ROR2: variants seen among roughly 807,000 people sequenced by gnomAD.
The protein encoded by ROR2 is ROR family WNT receptor 2.
In ROR2, 33 loss-of-function variants were observed where a neutral mutation model predicts 74.9. The observed-to-expected ratio is 0.44, with a 90% CI of 0.33 to 0.59. ROR2 has a LOEUF of 0.59. ROR2 is among the 20% of genes least tolerant of loss of function. The pLI is 0.02. For synonymous variants in ROR2, 586 were observed against 558.7 expected, an observed-to-expected ratio of 1.05 and a Z score of -0.69; for missense variants, 1,216 against 1,313.8, an observed-to-expected ratio of 0.93 and a Z score of 1.15.
chr9:91,864,019 C>T (rs148793963), intron 1 of ROR2, among the ~76,000 whole-genome samples: 1,744 of 152,184 alleles, frequency 0.011, 20 homozygotes, highest in Middle Eastern at 0.02. Flanking sequence ...AGGAAGCAGA[C>T]GCAGAAACAA....
At chr9:91,790,173 G>C (rs1826924224) in intron 1 of ROR2, among the ~76,000 whole-genome samples, 1 of 152,110 alleles carries the variant, frequency 6.6e-6, no homozygotes, top group Non-Finnish European at 1.5e-5. Flanking sequence ...TAGTGATGCT[G>C]TCTAAGCAAA....
Position 91,723,466 on chromosome 9 carries a change from G to T in ROR2, c.*196C>A. 1.3e-6 allele frequency: 1 copy of T among 796,180 alleles called. No individual in the cohort carries two copies. The highest frequency in any genetic ancestry group is 1.9e-6 in the Non-Finnish European group (1 of 513,716). 49.3% of individuals were successfully genotyped at this position (796,180 alleles called of 1,614,324 possible). On this transcript the variant is annotated 3_prime_UTR_variant, in exon 9 of 9. Transcript: ENST00000375708. Reference sequence around the variant, plus strand: ...TGCTGCCAGACCCCCTGCCTGGCTTGGGTGCTCCTAGGCAGGGCAGCTCTC... The same window carrying T: ...TGCTGCCAGACCCCCTGCCTGGCTTTGGTGCTCCTAGGCAGGGCAGCTCTC...
intron 1 of ROR2, among the ~76,000 whole-genome samples, chr9:91,861,730 C>CA (rs777446409): frequency 5.0e-4 from 76 of 152,210 alleles, no homozygotes; most frequent in Non-Finnish European, 8.7e-4. Context: ...AAAGCAACAA[C>CA]AAAATACATA....
chr9:91,740,907 C>T (rs1825213245), intron 4 of ROR2, among the ~76,000 whole-genome samples: 1 of 152,106 alleles, frequency 6.6e-6, no homozygotes, highest in African/African-American at 2.4e-5. Flanking sequence ...ATCCCCTGCC[C>T]CTCATGCTGC....
rs548059984 is a variant in ROR2, at chr9:91,860,789, C to G, written c.98-84971G>C. Among the ~76,000 whole-genome samples, 40 of 152,318 alleles carry G rather than the reference C, an allele frequency of 2.6e-4. No homozygotes were observed. The South Asian group carries it at 8.3e-3, about 32-fold the overall frequency. On this transcript the variant is annotated intron_variant, in intron 1 of 8. Coordinates refer to ENST00000375708, the MANE Select transcript of ROR2 (RefSeq NM_004560.4). ...ACATTGAGGGCAGATCTTCCCTACT[C>G]AGTCCACCAACTCCCACGCCAGTCT...
At chr9:91,725,821 C>T (rs1025184218) in intron 8 of ROR2, among the ~76,000 whole-genome samples, 11 of 152,122 alleles carry the variant, frequency 7.2e-5, no homozygotes, top group Non-Finnish European at 5.9e-5. Context: ...GTGCAAGCCC[C>T]GGGGCTCTGT....
intron 1 of ROR2, among the ~76,000 whole-genome samples, chr9:91,855,164 T>A (rs1470573931): frequency 1.3e-5 from 2 of 152,160 alleles, no homozygotes; most frequent in African/African-American, 4.8e-5. Context: ...CCTCCCCTTA[T>A]CCCACAGGAC....
Position 91,757,263 on chromosome 9 carries a change from C to T in ROR2, c.463+9G>A. The T allele has an allele frequency of 6.2e-7, 1 of 1,613,884 alleles. No individual in the cohort carries two copies. On this transcript the variant is annotated intron_variant, in intron 3 of 8. Transcript: ENST00000375708. The stretch of plus-strand genomic sequence containing the variant: ...CTGCTAACCCACACAATTTCACTGT[C>T]CAACTCACCCAGCCGCACAAACAGG...
chr9:91,805,188 C>T (rs949849814), intron 1 of ROR2, among the ~76,000 whole-genome samples: 2 of 152,226 alleles, frequency 1.3e-5, no homozygotes, highest in African/African-American at 4.8e-5. Flanking sequence ...CCTCTGGTGC[C>T]AGCACCACCT....
chr9:91,854,402 G>C (rs915199737), intron 1 of ROR2, among the ~76,000 whole-genome samples: 1 of 152,156 alleles, frequency 6.6e-6, no homozygotes, highest in Non-Finnish European at 1.5e-5. Flanking sequence ...TGACTGGCAT[G>C]GTCTTTTCTT....
intron 1 of ROR2, among the ~76,000 whole-genome samples, chr9:91,919,757 T>C (rs963433233): frequency 6.6e-6 from 1 of 151,928 alleles, no homozygotes; most frequent in Admixed American, 6.6e-5. Context: ...GGGGCCGGAG[T>C]GGGGAGGGTT....
chr9:91,753,130 G>A lies in ROR2; in HGVS notation c.494+2941C>T, dbSNP rs374010636. 9.9e-5 allele frequency among the ~76,000 whole-genome samples: 15 copies of A among 152,176 alleles called. No homozygotes were observed. The East Asian group carries it at 2.9e-3, about 29-fold the overall frequency. ...TGTAATTCCAATCAAACTACCATCA[G>A]AATCTTTCAAGGAAATCATGACATT... On this transcript the variant is annotated intron_variant, in intron 4 of 8. Coordinates refer to ENST00000375708, the MANE Select transcript of ROR2 (RefSeq NM_004560.4).
chr9:91,882,183 G>A (rs1830130097), intron 1 of ROR2, among the ~76,000 whole-genome samples: 1 of 151,972 alleles, frequency 6.6e-6, no homozygotes, highest in African/African-American at 2.4e-5. Flanking sequence ...AGGCTGAGGC[G>A]GGTGGATCTT....
chr9:91,850,526 G>A (rs1829057649), intron 1 of ROR2, among the ~76,000 whole-genome samples: 1 of 152,198 alleles, frequency 6.6e-6, no homozygotes, highest in African/African-American at 2.4e-5. Flanking sequence ...TGCTGGCTCT[G>A]AAGATGGACA....
rs531284317 is a variant in ROR2 at position 91,816,644 on chromosome 9, C to A, written c.98-40826G>T. 1.5e-3 allele frequency among the ~76,000 whole-genome samples: 225 copies of A among 152,188 alleles called. 1 individual carries two copies. Among genetic ancestry groups the A allele is most frequent in the African/African-American group, 4.9e-3 (204 of 41,504 alleles). On this transcript the variant is annotated intron_variant, in intron 1 of 8. Coordinates refer to ENST00000375708, the MANE Select transcript of ROR2 (RefSeq NM_004560.4). ...TCCCCGCTGTGGTATGCAGGGCCCT[C>A]CCTGGCATCCGCGATCCCCTCCTTC...
intron 4 of ROR2, among the ~76,000 whole-genome samples, chr9:91,740,564 G>T (rs980297579): frequency 3.5e-5 from 5 of 141,584 alleles, no homozygotes; most frequent in Admixed American, 1.4e-4. Flanking sequence ...GCGGGGGGGG[G>T]AATATATATA....
intron 1 of ROR2, among the ~76,000 whole-genome samples, chr9:91,829,415 T>C (rs1023661514): frequency 6.6e-6 from 1 of 151,846 alleles, no homozygotes; most frequent in African/African-American, 2.4e-5. Context: ...CTGGGCATGG[T>C]GGCATGCAAC....
At chr9:91,948,815 C>T (rs1241404852) in intron 1 of ROR2, 11 of 985,354 alleles carry the variant, frequency 1.1e-5, no homozygotes, top group African/African-American at 1.7e-5. Flanking sequence ...AGGTCTCTGG[C>T]GCTCCTGGGC....
chr9:91,900,763 A>C (rs1241255876), intron 1 of ROR2, among the ~76,000 whole-genome samples: 1 of 152,092 alleles, frequency 6.6e-6, no homozygotes, highest in Non-Finnish European at 1.5e-5. Flanking sequence ...GGACCATTAG[A>C]CCCACTTCAC....
Sources: allele counts gnomAD v4.1 joint callset (sites outside exome capture counted in the v4.1 genomes callset), GRCh38; gene constraint gnomAD v4.1.1; transcripts MANE v1.5; gene names NCBI Gene and HGNC (gene_info 2026-07-23, HGNC 2026-07-21).